The following DOCK10 variants were observed in gnomAD, a reference collection of about 807,000 sequenced individuals.
DOCK10 encodes the protein dedicator of cytokinesis 10, also known as dedicator of cytokinesis protein 10.
In DOCK10, 145 loss-of-function variants were observed where a neutral mutation model predicts 280.1. That is an observed-to-expected ratio of 0.52 (90% CI 0.45 to 0.59). The LOEUF is 0.59. Ranked by LOEUF, DOCK10 falls within the 20% of genes least tolerant of loss-of-function variation. The probability of loss-of-function intolerance (pLI) is 0.00; values close to 1 mark genes in which losing one functional copy is unlikely to be tolerated. For missense variants in DOCK10, 2,368 were observed against 2,651.7 expected (o/e 0.89, Z 2.35); for synonymous variants, 915 against 942.2 (o/e 0.97, Z 0.53).
At chr2:224,883,672 A>G (rs1699103859) in intron 7 of DOCK10, among the ~76,000 whole-genome samples, 1 of 152,192 alleles carries the variant, frequency 6.6e-6, no homozygotes, top group Admixed American at 6.5e-5. Context: ...ACTTGCATGA[A>G]TCCCAAGCTT....
Position 224,801,988 on chromosome 2 carries a change from A to C in DOCK10, c.4321T>G (p.Leu1441Val), listed in dbSNP as rs1193526815. 3.1e-6 allele frequency: 5 copies of C among 1,613,040 alleles called. No homozygotes were observed. Among genetic ancestry groups the C allele is most frequent in the African/African-American group, 1.3e-5 (1 of 74,850 alleles). ...EGHKQHRSQT[L>V]PIIRGKNALS... ...GCATTTTTGCCTCGAATTATAGGTA[A>C]AGTTTGTGATCTGTGCTGCTTATGG... The change falls in exon 40 of 56, where the codon TTA (leucine) becomes GTA (valine). Residue 1441 changes from leucine to valine, a missense_variant. Leu to Val is a conservative substitution (Grantham distance 32, BLOSUM62 1). Around this residue, in one of 2 missense-constraint regions of DOCK10, gnomAD observed 1,159 missense variants for 1,400.8 expected, o/e 0.83. Coordinates refer to ENST00000258390, the MANE Select transcript of DOCK10 (RefSeq NM_014689.3).
In DOCK10 at chr2:224,845,287, C is replaced by T; in HGVS notation, c.2397G>A (p.Gln799=). ...GGATGTTGTACTCTTGAGAAGCTAT[C>T]TGATCGTGTTTCATCAGAGGAAGCC... ...YAWLPLMKHD[Q]IASQEYNIPI... The change falls in exon 21 of 56, where the codon CAG becomes CAA. Residue 799 remains glutamine (Q), a synonymous_variant. Transcript: ENST00000258390. The T allele has an allele frequency of 1.3e-6, 2 of 1,590,298 alleles. No homozygotes were observed. Among genetic ancestry groups the T allele is most frequent in the Non-Finnish European group, 1.7e-6 (2 of 1,166,984 alleles).
chr2:224,830,660 A>C, intron 26 of DOCK10, 48 bp from the exon 27 acceptor site: 1 of 1,172,068 alleles, frequency 8.5e-7, no homozygotes, highest in Middle Eastern at 2.0e-4. Flanking sequence ...CTATGGCAAA[A>C]TAATGATAAT....
chr2:224,770,480 G>T lies in DOCK10; in HGVS notation c.6305+65C>A. Reference sequence around the variant, plus strand: ...GTGAGTTTTGGTGTGATGGATTCTTGGGGGATTGAGGACTCCCTGTCTCAG... The same window carrying T: ...GTGAGTTTTGGTGTGATGGATTCTTTGGGGATTGAGGACTCCCTGTCTCAG... On this transcript the variant is annotated intron_variant, in intron 54 of 55. Coordinates refer to ENST00000258390, the MANE Select transcript of DOCK10 (RefSeq NM_014689.3). The surrounding 1 kb of genome is among the most constrained non-coding windows in gnomAD (Gnocchi z 4.5). 1 of 1,571,968 alleles carries T rather than the reference G, an allele frequency of 6.4e-7. No homozygotes were observed. Among genetic ancestry groups the T allele is most frequent in the Non-Finnish European group, 8.7e-7 (1 of 1,145,056 alleles).
chr2:224,943,657 G>T (rs572907077), intron 1 of DOCK10, among the ~76,000 whole-genome samples: 34 of 150,962 alleles, frequency 2.3e-4, no homozygotes, highest in Non-Finnish European at 4.7e-4. Context: ...ATCTTTATTT[G>T]TTGGGCATTT....
chr2:224,858,976 G>T (rs559741799), intron 14 of DOCK10, among the ~76,000 whole-genome samples: 30 of 152,224 alleles, frequency 2.0e-4, no homozygotes, highest in Middle Eastern at 6.8e-3. Flanking sequence ...CATATTTTTT[G>T]TGTGTGTGTG....
chr2:225,017,002 C>A (rs1413152414), intron 1 of DOCK10, among the ~76,000 whole-genome samples: 2 of 151,626 alleles, frequency 1.3e-5, no homozygotes, highest in Non-Finnish European at 2.9e-5. Flanking sequence ...GGATTACAGG[C>A]ATGAGCCACT....
chr2:224,801,790 C>T, intron 40 of DOCK10, 126 bp downstream of exon 40: 1 of 1,063,886 alleles, frequency 9.4e-7, no homozygotes, highest in Non-Finnish European at 1.4e-6. Flanking sequence ...GTGAGTCTTT[C>T]CCTTAAGAAA....
chr2:224,793,361 A>G (rs762235626), intron 46 of DOCK10, 39 bp downstream of exon 46: 1 of 1,520,500 alleles, frequency 6.6e-7, no homozygotes, highest in Admixed American at 1.8e-5. Flanking sequence ...CAATGTGTTG[A>G]TATCTAGGCT....
chr2:224,982,958 T>C (rs1361941585), intron 1 of DOCK10, among the ~76,000 whole-genome samples: 1 of 152,180 alleles, frequency 6.6e-6, no homozygotes, highest in East Asian at 1.9e-4. Flanking sequence ...AACCAAAGTA[T>C]GCACGCATTA....
At chr2:225,026,416 A>AGAGTGC in intron 1 of DOCK10, among the ~76,000 whole-genome samples, 1 of 152,202 alleles carries the variant, frequency 6.6e-6, no homozygotes, top group South Asian at 2.1e-4. Context: ...AACCACAAGG[A>AGAGTGC]CATTGCAAAA....
intron 50 of DOCK10, among the ~76,000 whole-genome samples, chr2:224,780,561 T>C (rs977929701): frequency 6.6e-6 from 1 of 152,138 alleles, no homozygotes; most frequent in Non-Finnish European, 1.5e-5. Flanking sequence ...CTGACAAATT[T>C]CCGAATCTAG....
At chr2:224,917,648 A>C (rs12988296) in intron 2 of DOCK10, among the ~76,000 whole-genome samples, 89,241 of 151,910 alleles carry the variant, frequency 0.59, 26,652 homozygotes, top group Non-Finnish European at 0.64. Flanking sequence ...CTGAAATAAG[A>C]AAACTTTTTC....
intron 15 of DOCK10, 66 bp from the exon 16 acceptor site, chr2:224,855,108 T>G (rs1415869513): frequency 5.8e-5 from 38 of 650,684 alleles, no homozygotes; most frequent in African/African-American, 9.1e-5. Flanking sequence ...CACAGAGTAT[T>G]ATTCCAATTT....
intron 1 of DOCK10, among the ~76,000 whole-genome samples, chr2:225,004,925 A>T (rs1322930621): frequency 1.3e-5 from 2 of 152,210 alleles, no homozygotes; most frequent in Non-Finnish European, 2.9e-5. Flanking sequence ...TATTTCTCTA[A>T]TCATAAGTAT....
intron 44 of DOCK10, among the ~76,000 whole-genome samples, chr2:224,795,777 CA>C (rs1427003810): frequency 6.6e-6 from 1 of 152,124 alleles, no homozygotes; most frequent in Non-Finnish European, 1.5e-5. Context: ...TTGGACTTTT[CA>C]GTATAATGAC....
At chr2:224,930,886 A>G (rs1322140159) in intron 2 of DOCK10, among the ~76,000 whole-genome samples, 1 of 152,240 alleles carries the variant, frequency 6.6e-6, no homozygotes, top group East Asian at 1.9e-4. Flanking sequence ...TAAGACCACA[A>G]GGTAACAGTA....
intron 4 of DOCK10, among the ~76,000 whole-genome samples, chr2:224,893,032 G>A (rs1699791444): frequency 6.6e-6 from 1 of 152,168 alleles, no homozygotes. Context: ...GCTCATCCCA[G>A]ACCTTACCCT....
At chr2:224,775,223 C>A in intron 51 of DOCK10, 108 bp from the exon 52 acceptor site, 1 of 1,004,516 alleles carries the variant, frequency 1.0e-6, no homozygotes. Context: ...TGCCTCTCCC[C>A]TTGGAGAAAA....
Sources: allele counts gnomAD v4.1 joint callset (sites outside exome capture counted in the v4.1 genomes callset), GRCh38; gene constraint gnomAD v4.1.1; regional missense constraint gnomAD v4.1.1; non-coding constraint Gnocchi (gnomAD v3.1); transcripts MANE v1.5; gene names NCBI Gene and HGNC (gene_info 2026-07-23, HGNC 2026-07-21).